ADAM9: variants seen among roughly 807,000 people sequenced by gnomAD.
The protein encoded by ADAM9 is disintegrin and metalloproteinase domain-containing protein 9.
Under a neutral mutation model 108.1 loss-of-function variants are expected in ADAM9, and 54 were observed. The ratio of observed to expected loss-of-function variants is 0.50; its 90% confidence interval spans 0.40 to 0.63. The LOEUF (loss-of-function observed/expected upper bound fraction) is 0.63, where lower values mean the gene tolerates loss of function less well. Among genes scored for constraint, ADAM9 ranks in the 20% least tolerant of loss-of-function variants. The probability of loss-of-function intolerance (pLI) is 0.00; values close to 1 mark genes in which losing one functional copy is unlikely to be tolerated. For synonymous variants in ADAM9, 316 were observed against 336.0 expected, an observed-to-expected ratio of 0.94 and a Z score of 0.65; for missense variants, 830 against 997.7, an observed-to-expected ratio of 0.83 and a Z score of 2.26.
At chr8:39,053,610 T>TGGC (rs1838023781) in intron 12 of ADAM9, among the ~76,000 whole-genome samples, 1 of 152,190 alleles carries the variant, frequency 6.6e-6, no homozygotes, top group African/African-American at 2.4e-5. Flanking sequence ...TCCTTAGTGG[T>TGGC]GACATCTTAT....
At chr8:39,047,875 GTTTA>G (rs1265432807) in intron 12 of ADAM9, among the ~76,000 whole-genome samples, 2 of 144,158 alleles carry the variant, frequency 1.4e-5, no homozygotes, top group African/African-American at 5.1e-5. Context: ...AAGTTAGGTT[GTTTA>G]TTTGAGTTTT....
chr8:39,024,548 A>G (rs542353310), intron 9 of ADAM9, among the ~76,000 whole-genome samples: 185 of 152,256 alleles, frequency 1.2e-3, no homozygotes, highest in African/African-American at 4.4e-3. Context: ...AGTTCCTTAT[A>G]GGGTGGTTTG....
chr8:38,999,967 G>A (rs1032348783), intron 1 of ADAM9, among the ~76,000 whole-genome samples: 5 of 151,930 alleles, frequency 3.3e-5, no homozygotes, highest in East Asian at 3.9e-4. Flanking sequence ...TTGAGTCAGC[G>A]CTATGGAACT....
At chr8:39,016,059 C>T in intron 4 of ADAM9, 59 bp from the exon 5 acceptor site, 3 of 1,499,148 alleles carry the variant, frequency 2.0e-6, no homozygotes, top group Non-Finnish European at 1.9e-6. Context: ...TCTGCAATTT[C>T]TGTGATGATT....
At position 39,101,678 on chromosome 8, in the gene ADAM9, C is replaced by T. The variant is rs138119000; in HGVS notation, c.2299-185C>T. Among the ~76,000 whole-genome samples, 16 of 152,126 alleles carry T rather than the reference C, an allele frequency of 1.1e-4. No homozygotes were observed. The East Asian group carries it at 3.1e-3, about 29-fold the overall frequency. ...CGTCCCCAAAATATCTGATTATGTA[C>T]GTGCAAATATTCCAAAATTGGAAAA... On this transcript the variant is annotated intron_variant, in intron 20 of 21. Transcript: ENST00000487273.
chr8:39,046,161 A>C (rs1230418456), intron 12 of ADAM9, among the ~76,000 whole-genome samples: 3 of 152,010 alleles, frequency 2.0e-5, no homozygotes, highest in Non-Finnish European at 2.9e-5. Context: ...AATGTTTTGT[A>C]AGTTTTTAGT....
chr8:39,060,359 C>T (rs939619426), intron 14 of ADAM9, among the ~76,000 whole-genome samples: 6 of 152,228 alleles, frequency 3.9e-5, no homozygotes, highest in African/African-American at 1.4e-4. Context: ...TGCCTGACAG[C>T]CTGGACCTAT....
At chr8:39,054,343 G>T in intron 12 of ADAM9, 138 bp from the exon 13 acceptor site, 1 of 741,816 alleles carries the variant, frequency 1.3e-6, no homozygotes, top group Non-Finnish European at 2.3e-6. Context: ...TCCAGAAACA[G>T]TAAGCAACTG....
At chr8:39,083,984 C>CT (rs1209680291) in intron 18 of ADAM9, among the ~76,000 whole-genome samples, 4 of 152,178 alleles carry the variant, frequency 2.6e-5, no homozygotes, top group African/African-American at 4.8e-5. Flanking sequence ...CACATCCTCT[C>CT]TAACAGTTGC....
rs745766022 is a variant in ADAM9 at position 39,045,070 on chromosome 8, A to ATATGTATGTG, written c.1302+2958_1302+2959insATGTGTATGT. On this transcript the variant is annotated intron_variant, in intron 12 of 21. Transcript: ENST00000487273. ...TGTGTATGTGTGTGTGCATACATAC[A>ATATGTATGTG]TATGTGTGTGTGCATACATACATAT... Among the ~76,000 whole-genome samples, 95 of 26,148 alleles carry ATATGTATGTG rather than the reference A, an allele frequency of 3.6e-3. 6 individuals are homozygous for ATATGTATGTG. The highest frequency in any genetic ancestry group is 6.7e-3 in the African/African-American group (26 of 3,884). The allele number at this position is 26,148 out of a possible 152,430, so 17.2% of individuals were successfully genotyped here. A position where few individuals can be genotyped will look rare whatever the true frequency, so the allele number is the denominator to read the frequency against.
At chr8:39,048,354 T>TG (rs1165878244) in intron 12 of ADAM9, among the ~76,000 whole-genome samples, 1 of 152,204 alleles carries the variant, frequency 6.6e-6, no homozygotes, top group Non-Finnish European at 1.5e-5. Context: ...TTCCACATAT[T>TG]GGTGAATTTT....
At chr8:39,071,541 G>A (rs567804741) in intron 15 of ADAM9, 138 bp downstream of exon 15, 11 of 723,852 alleles carry the variant, frequency 1.5e-5, no homozygotes, top group East Asian at 5.9e-5. Context: ...ATCTCGGCTC[G>A]CTGCACCCTC....
chr8:39,015,985 G>A, intron 4 of ADAM9, 133 bp from the exon 5 acceptor site: 1 of 786,228 alleles, frequency 1.3e-6, no homozygotes, highest in Admixed American at 2.1e-5. Flanking sequence ...ACTGTGAGAT[G>A]CCAATAATAT....
chr8:38,999,590 A>G (rs1835934448), intron 1 of ADAM9, among the ~76,000 whole-genome samples: 1 of 152,166 alleles, frequency 6.6e-6, no homozygotes, highest in Admixed American at 6.5e-5. Context: ...TTTGAATTTG[A>G]TATGTTTGTG....
At chr8:39,056,623 A>T (rs1838132264) in intron 14 of ADAM9, among the ~76,000 whole-genome samples, 2 of 152,176 alleles carry the variant, frequency 1.3e-5, no homozygotes, top group Admixed American at 6.6e-5. Flanking sequence ...ATAGTAAGTT[A>T]TAATTACTTG....
chr8:39,099,774 A>AT (rs1169467180), intron 20 of ADAM9, among the ~76,000 whole-genome samples: 1 of 152,142 alleles, frequency 6.6e-6, no homozygotes, highest in East Asian at 1.9e-4. Context: ...AAGCTAATTA[A>AT]CATATCCAGC....
chr8:39,078,509 C>T (rs1011282233), intron 16 of ADAM9, among the ~76,000 whole-genome samples: 4 of 152,084 alleles, frequency 2.6e-5, no homozygotes, highest in African/African-American at 7.2e-5. Context: ...GGGCTGGGCA[C>T]GGTGGCTCAT....
At chr8:39,081,092 C>G (rs1239663423) in intron 16 of ADAM9, among the ~76,000 whole-genome samples, 1 of 151,764 alleles carries the variant, frequency 6.6e-6, no homozygotes, top group Non-Finnish European at 1.5e-5. Context: ...GAATTACAGG[C>G]TTGCACCACC....
chr8:39,091,789 C>T (rs35726600), intron 20 of ADAM9, among the ~76,000 whole-genome samples: 1 of 152,144 alleles, frequency 6.6e-6, no homozygotes, highest in Non-Finnish European at 1.5e-5. Flanking sequence ...GCCCTGCCCC[C>T]TGAGTTCTTT....
Sources: allele counts gnomAD v4.1 joint callset (sites outside exome capture counted in the v4.1 genomes callset), GRCh38; gene constraint gnomAD v4.1.1; transcripts MANE v1.5; gene names NCBI Gene and HGNC (gene_info 2026-07-23, HGNC 2026-07-21).